Variants in CERT1 observed in about 807,000 individuals in gnomAD.
CERT1 encodes ceramide transfer protein.
A neutral mutation model predicts 87.9 loss-of-function variants in CERT1; 31 were observed. The observed-to-expected ratio is 0.35, with a 90% CI of 0.27 to 0.48. The LOEUF is 0.48. Among genes scored for constraint, CERT1 ranks in the 20% least tolerant of loss-of-function variants. The probability of loss-of-function intolerance (pLI) is 0.99; values close to 1 mark genes in which losing one functional copy is unlikely to be tolerated. For missense variants in CERT1, 487 were observed against 758.0 expected, an observed-to-expected ratio of 0.64 and a Z score of 4.20; for synonymous variants, 289 against 250.9, an observed-to-expected ratio of 1.15 and a Z score of -1.44.
chr5:75,440,441 G>A (rs1378770848), intron 3 of CERT1, among the ~76,000 whole-genome samples: 3 of 151,934 alleles, frequency 2.0e-5, no homozygotes, highest in African/African-American at 7.2e-5. Context: ...CACCACGGGA[G>A]AGCTTTTTCA....
In CERT1 at chr5:75,400,489, CTTCT is replaced by C. The variant is rs1424704969; in HGVS notation, c.1018-196_1018-193del. On this transcript the variant is annotated intron_variant, in intron 9 of 16. Coordinates refer to ENST00000643780, the MANE Select transcript of CERT1 (RefSeq NM_001379029.1). ...TGCCTCAGATATCCCAATTTAACCT[CTTCT>C]TTCTGACTCCACAGATACTATGTTA... The C allele has an allele frequency of 4.6e-5, 24 of 517,158 alleles. 1 individual carries two copies. In the Admixed American group the frequency reaches 7.7e-4, roughly 17 times the overall value. The allele number at this position is 517,158 out of a possible 1,614,324, so 32.0% of individuals were successfully genotyped here. A position where few individuals can be genotyped will look rare whatever the true frequency, so the allele number is the denominator to read the frequency against.
At chr5:75,511,744 C>T (rs968539910), upstream of CERT1, 2 of 1,550,198 alleles carry the variant, frequency 1.3e-6, no homozygotes, top group South Asian at 1.2e-5. Flanking sequence ...TCGGGATCCT[C>T]CTCCCGAACC....
downstream of CERT1, chr5:75,373,817 C>G (rs1186792362): frequency 2.8e-5 from 9 of 326,550 alleles, no homozygotes; most frequent in East Asian, 4.2e-4. Flanking sequence ...AAACCTGATA[C>G]AACAGAGGAT....
chr5:75,400,259 G>C lies in CERT1; in HGVS notation c.1056C>G (p.Ser352=). Residue 352 remains serine (S), a synonymous_variant, in exon 10 of 17, where the codon TCC becomes TCG. Coordinates refer to ENST00000643780, the MANE Select transcript of CERT1 (RefSeq NM_001379029.1). The part of the protein sequence containing the change: ...SEKVRLHWPT[S]LPSGDAFSSV... The stretch of plus-strand genomic sequence containing the variant: ...AAGAAAAGGCATCTCCAGAGGGCAA[G>C]GATGTAGGCCAATGTAATCTCACCT... The C allele has an allele frequency of 1.2e-6, 2 of 1,613,734 alleles. No homozygotes were observed. The highest frequency in any genetic ancestry group is 1.7e-6 in the Non-Finnish European group (2 of 1,179,646).
intron 2 of CERT1, among the ~76,000 whole-genome samples, chr5:75,496,377 G>A (rs1767069507): frequency 6.6e-6 from 1 of 151,596 alleles, no homozygotes; most frequent in Admixed American, 6.6e-5. Context: ...CTGGTGAGAT[G>A]GTAAACTGGT....
intron 11 of CERT1, among the ~76,000 whole-genome samples, chr5:75,393,987 T>G (rs182313056): frequency 6.6e-6 from 1 of 152,038 alleles, no homozygotes; most frequent in East Asian, 1.9e-4. Flanking sequence ...ACAACTATGC[T>G]TACTACAAAG....
chr5:75,459,231 A>C (rs760111862), intron 2 of CERT1, 50 bp from the exon 3 acceptor site: 24 of 1,163,546 alleles, frequency 2.1e-5, no homozygotes, highest in Non-Finnish European at 3.1e-5. Flanking sequence ...ATATCCTTAG[A>C]AGTGTTACAC....
intron 2 of CERT1, among the ~76,000 whole-genome samples, chr5:75,499,466 T>G (rs1489385482): frequency 6.6e-6 from 1 of 152,150 alleles, no homozygotes; most frequent in Non-Finnish European, 1.5e-5. Context: ...TTGCCTGGTT[T>G]GCATTCTCTC....
In CERT1 at chr5:75,463,122, G is replaced by A. The variant is rs552426419; in HGVS notation, c.232-3941C>T. Reference sequence around the variant, plus strand: ...TACTTTAGCTGGTGTTTTCAAACATGAAAATATAACATACATAACAGAAAG... The same window carrying A: ...TACTTTAGCTGGTGTTTTCAAACATAAAAATATAACATACATAACAGAAAG... On this transcript the variant is annotated intron_variant, in intron 2 of 16. Coordinates refer to ENST00000643780, the MANE Select transcript of CERT1 (RefSeq NM_001379029.1). 2.6e-5 allele frequency among the ~76,000 whole-genome samples: 4 copies of A among 151,778 alleles called. No individual in the cohort carries two copies. The East Asian group carries it at 7.7e-4, about 29-fold the overall frequency.
At chr5:75,426,042 T>A (rs1006748358) in intron 4 of CERT1, among the ~76,000 whole-genome samples, 1 of 152,218 alleles carries the variant, frequency 6.6e-6, no homozygotes, top group Non-Finnish European at 1.5e-5. Flanking sequence ...AAATGAATTT[T>A]GTCTGGTGCA....
rs374066559 is a variant in CERT1 at position 75,402,791 on chromosome 5, C to G, written c.1017+181G>C. The stretch of plus-strand genomic sequence containing the variant: ...TTCTAGCCTGGGCAACAGAGCGAGA[C>G]TCTGTCTCAAAAAAAAAAAAAAAGA... On this transcript the variant is annotated intron_variant, in intron 9 of 16. Coordinates refer to ENST00000643780, the MANE Select transcript of CERT1 (RefSeq NM_001379029.1). 1.1e-4 allele frequency: 48 copies of G among 449,892 alleles called. 1 individual carries two copies. The highest frequency in any genetic ancestry group is 4.3e-4 in the Admixed American group (12 of 28,194). 27.9% of individuals were successfully genotyped at this position (449,892 alleles called of 1,614,324 possible).
intron 4 of CERT1, 109 bp from the exon 5 acceptor site, chr5:75,425,608 C>G: frequency 9.8e-7 from 1 of 1,018,106 alleles, no homozygotes; most frequent in Non-Finnish European, 1.4e-6. Flanking sequence ...TAACTGAGGG[C>G]ATGGGATAAG....
chr5:75,482,940 G>A (rs967086284), intron 2 of CERT1, among the ~76,000 whole-genome samples: 9 of 151,162 alleles, frequency 6.0e-5, no homozygotes, highest in East Asian at 5.8e-4. Context: ...CCCACACTGC[G>A]AAGACTGTAA....
intron 7 of CERT1, among the ~76,000 whole-genome samples, chr5:75,414,865 A>G (rs370132378): frequency 6.6e-6 from 1 of 152,080 alleles, no homozygotes; most frequent in Admixed American, 6.5e-5. Flanking sequence ...TCCCATTCCT[A>G]GCTTAGAGTC....
In CERT1 at chr5:75,379,307, TA is replaced by T; in HGVS notation, c.*38del. On this transcript the variant is annotated 3_prime_UTR_variant, in exon 17 of 17. Coordinates refer to ENST00000643780, the MANE Select transcript of CERT1 (RefSeq NM_001379029.1). The stretch of plus-strand genomic sequence containing the variant: ...GACAGTCATATTAGTCAAATAAAGT[TA>T]AAAAAAGATAAAACATATCTTCTAG... 6.5e-7 allele frequency: 1 copy of T among 1,545,450 alleles called. No individual in the cohort carries two copies. The highest frequency in any genetic ancestry group is 8.8e-7 in the Non-Finnish European group (1 of 1,137,070).
At chr5:75,501,966 C>T (rs1428890540) in intron 2 of CERT1, among the ~76,000 whole-genome samples, 1 of 151,932 alleles carries the variant, frequency 6.6e-6, no homozygotes, top group Non-Finnish European at 1.5e-5. Context: ...TAAAAGATGT[C>T]AATAAGAGTA....
chr5:75,463,027 A>G (rs1346119445), intron 2 of CERT1, among the ~76,000 whole-genome samples: 1 of 151,100 alleles, frequency 6.6e-6, no homozygotes, highest in East Asian at 1.9e-4. Flanking sequence ...TGGACATGTT[A>G]AACAGATTTG....
intron 2 of CERT1, among the ~76,000 whole-genome samples, chr5:75,468,756 A>G (rs1273643309): frequency 6.6e-6 from 1 of 152,204 alleles, no homozygotes; most frequent in African/African-American, 2.4e-5. Flanking sequence ...CAGTTGCAAC[A>G]GTCATGGGCT....
At chr5:75,389,556 G>A (rs1353748740) in intron 12 of CERT1, 36 bp downstream of exon 12, 7 of 1,496,534 alleles carry the variant, frequency 4.7e-6, no homozygotes, top group East Asian at 2.3e-5. Context: ...AAACAGAGAC[G>A]CCTTTGGCAA....
Sources: gnomAD v4.1 joint callset for allele counts (sites outside exome capture counted in the v4.1 genomes callset) on GRCh38, gnomAD v4.1.1 for gene constraint, MANE v1.5 for transcripts, NCBI Gene and HGNC (gene_info 2026-07-23, HGNC 2026-07-21) for gene names.